The following RBM5 variants were observed in gnomAD, a reference collection of about 807,000 sequenced individuals.
RBM5 encodes the protein RNA binding motif protein 5.
RBM5 carries 15 observed loss-of-function variants against 124.6 expected under a neutral mutation model. The ratio of observed to expected loss-of-function variants is 0.12; its 90% CI spans 0.08 to 0.19. The LOEUF (loss-of-function observed/expected upper bound fraction) is 0.19. Among genes scored for constraint, RBM5 ranks in the 10% least tolerant of loss-of-function variants. The pLI is 1.00. For synonymous variants in RBM5, 337 were observed against 361.2 expected, an observed-to-expected ratio of 0.93 and a Z score of 0.76; for missense variants, 580 against 1,026.5, an observed-to-expected ratio of 0.57 and a Z score of 5.94.
chr3:50,097,828 C>T (rs1232710369), intron 4 of RBM5, among the ~76,000 whole-genome samples: 3 of 152,116 alleles, frequency 2.0e-5, no homozygotes, highest in Non-Finnish European at 4.4e-5. Flanking sequence ...TGGCCTGGTG[C>T]GGTGGCTCAC....
At chr3:50,098,721 C>A (rs774030561) in intron 4 of RBM5, among the ~76,000 whole-genome samples, 8 of 152,022 alleles carry the variant, frequency 5.3e-5, no homozygotes, top group Non-Finnish European at 1.2e-4. Flanking sequence ...GAATTACAGG[C>A]GTGAGCCACT....
In RBM5 at chr3:50,115,201, C is replaced by G. The variant is rs912868360; in HGVS notation, c.1840-227C>G. On this transcript the variant is annotated intron_variant, in intron 20 of 24. Transcript: ENST00000347869. Reference sequence around the variant, plus strand: ...TAGAAAAAGGTAGTCACCCAGGAATCCATTTCTTAGGCTCCAAGAAGGTTG... The same window carrying G: ...TAGAAAAAGGTAGTCACCCAGGAATGCATTTCTTAGGCTCCAAGAAGGTTG... 3.6e-5 allele frequency: 18 copies of G among 497,686 alleles called. No homozygotes were observed. In the African/African-American group the frequency reaches 3.7e-4, roughly 10 times the overall value. The allele number at this position is 497,686 out of a possible 1,614,324, so 30.8% of individuals were successfully genotyped here. A position where few individuals can be genotyped will look rare whatever the true frequency, so the allele number is the denominator to read the frequency against.
intron 4 of RBM5, among the ~76,000 whole-genome samples, chr3:50,095,909 A>G (rs1430798422): frequency 2.0e-5 from 3 of 152,168 alleles, no homozygotes; most frequent in African/African-American, 7.2e-5. Context: ...GAGTAATCAA[A>G]GTAATATTCT....
intron 17 of RBM5, chr3:50,110,977 CA>C (rs569041333): frequency 1.9e-6 from 1 of 532,550 alleles, no homozygotes; most frequent in East Asian, 3.0e-5. Context: ...AATATACACA[CA>C]AAAAAATACA....
chr3:50,097,803 T>C (rs2090850798), intron 4 of RBM5, among the ~76,000 whole-genome samples: 1 of 152,054 alleles, frequency 6.6e-6, no homozygotes, highest in South Asian at 2.1e-4. Flanking sequence ...GTATGATCCA[T>C]TAAAAATGTT....
intron 3 of RBM5, chr3:50,093,092 T>A (rs1161469120): frequency 5.3e-6 from 1 of 189,042 alleles, no homozygotes; most frequent in Non-Finnish European, 1.1e-5. Flanking sequence ...TGAGCTGAGA[T>A]CATGCCATTG....
rs764752703 is a variant in RBM5 at position 50,105,618 on chromosome 3, C to T, written c.764C>T (p.Ala255Val). The T allele has an allele frequency of 6.8e-6, 11 of 1,613,984 alleles. No homozygotes were observed. The highest frequency in any genetic ancestry group is 4.4e-5 in the South Asian group (4 of 91,084). ...ATCATGACAGCACTGTCTCCTTACG[C>T]GTCTTTAGCTGTCAATAACATCCGC... ...DSIMTALSPY[A>V]SLAVNNIRLI... Residue 255 changes from alanine (A) to valine (V), a missense_variant, in exon 10 of 25, where the codon GCG (alanine) becomes GTG (valine). Transcript: ENST00000347869.
intron 6 of RBM5, chr3:50,101,251 T>G (rs1241864622): frequency 2.0e-5 from 3 of 152,206 alleles, no homozygotes; most frequent in African/African-American, 4.8e-5. Flanking sequence ...ACTGAAGTGT[T>G]CTTCAGTTTG....
chr3:50,098,800 AC>A (rs2090877597), intron 4 of RBM5, among the ~76,000 whole-genome samples: 1 of 152,090 alleles, frequency 6.6e-6, no homozygotes, highest in Non-Finnish European at 1.5e-5. Flanking sequence ...GGCTGGTCTC[AC>A]ACTCCTGTGC....
chr3:50,112,414 TAAAAAAAAAAAAAAAAAA>T (rs58011975), intron 17 of RBM5, among the ~76,000 whole-genome samples: 1 of 88,240 alleles, frequency 1.1e-5, no homozygotes, highest in Non-Finnish European at 2.2e-5. Context: ...AGACTCTGTC[TAAAAAAAAAAAAAAAAAA>T]AAAAAAAAAA....
Position 50,113,433 on chromosome 3 carries a change from A to G in RBM5, c.1506A>G (p.Lys502=). The stretch of plus-strand genomic sequence containing the variant: ...AGTACCTTTACTGGGATGGGGAAAA[A>G]GAGACCTACGTGCCAGCTGCAGAGT... ...TQQYLYWDGE[K]ETYVPAAESS... Residue 502 remains lysine (K), a synonymous_variant, in exon 18 of 25, where the codon AAA becomes AAG. Transcript: ENST00000347869. 6.2e-7 allele frequency: 1 copy of G among 1,614,032 alleles called. No homozygotes were observed. The highest frequency in any genetic ancestry group is 1.1e-5 in the South Asian group (1 of 91,082).
chr3:50,095,889 T>C (rs1202822731), intron 4 of RBM5, among the ~76,000 whole-genome samples: 2 of 152,126 alleles, frequency 1.3e-5, no homozygotes, highest in Non-Finnish European at 2.9e-5. Flanking sequence ...TGCCAGTATT[T>C]GTTTTCTTGG....
chr3:50,103,251 AG>A, intron 7 of RBM5, 85 bp downstream of exon 7: 1 of 1,120,782 alleles, frequency 8.9e-7, no homozygotes, highest in African/African-American at 1.6e-5. Context: ...TGTCCAAACA[AG>A]GAAATTGTTA....
intron 21 of RBM5, 96 bp downstream of exon 21, chr3:50,115,703 A>T (rs577173091): frequency 3.5e-6 from 5 of 1,414,222 alleles, no homozygotes; most frequent in Non-Finnish European, 4.8e-6. Flanking sequence ...AATACCTGCC[A>T]TCTAATGATG....
chr3:50,090,338 G>A, intron 1 of RBM5, 44 bp from the exon 2 acceptor site: 3 of 1,393,400 alleles, frequency 2.2e-6, no homozygotes, highest in Non-Finnish European at 3.0e-6. Context: ...GCTGACTTAA[G>A]TGATCTCTGA....
intron 14 of RBM5, 107 bp from the exon 15 acceptor site, chr3:50,109,496 C>T: frequency 1.2e-6 from 1 of 832,204 alleles, no homozygotes; most frequent in Non-Finnish European, 2.0e-6. Context: ...TTATGAAGAA[C>T]TGACATATAC....
chr3:50,105,349 C>T (rs2091009378), intron 9 of RBM5, among the ~76,000 whole-genome samples, 200 bp from the exon 10 acceptor site: 1 of 152,024 alleles, frequency 6.6e-6, no homozygotes, highest in Non-Finnish European at 1.5e-5. Context: ...TTTCTGTTCT[C>T]CTACCCTTTT....
At chr3:50,104,560 T>C in intron 8 of RBM5, 2 of 446,918 alleles carry the variant, frequency 4.5e-6, no homozygotes, top group Non-Finnish European at 8.1e-6. Flanking sequence ...AGAGGATTGC[T>C]TGAGTCCAGG....
At chr3:50,107,888 G>A (rs534906792) in intron 12 of RBM5, among the ~76,000 whole-genome samples, 182 bp from the exon 13 acceptor site, 2 of 151,652 alleles carry the variant, frequency 1.3e-5, no homozygotes, top group East Asian at 1.9e-4. Flanking sequence ...ATTTCACCAC[G>A]TTGGCCAGGC....
Sources: allele counts gnomAD v4.1 joint callset (sites outside exome capture counted in the v4.1 genomes callset), GRCh38; gene constraint gnomAD v4.1.1; transcripts MANE v1.5; gene names NCBI Gene and HGNC (gene_info 2026-07-23, HGNC 2026-07-21).